Variants in CARS2 observed in about 807,000 individuals in gnomAD.
CARS2 encodes probable cysteine--tRNA ligase, mitochondrial.
A neutral mutation model predicts 68.8 loss-of-function variants in CARS2; 52 were observed. The ratio of observed to expected loss-of-function variants is 0.76; its 90% CI spans 0.61 to 0.95. The LOEUF (loss-of-function observed/expected upper bound fraction) is 0.95. Among genes scored for constraint, CARS2 ranks in the 40% least tolerant of loss-of-function variants. The pLI is 0.00. For missense variants in CARS2, 780 were observed against 754.2 expected, an observed-to-expected ratio of 1.03 and a Z score of -0.40; for synonymous variants, 314 against 303.6, an observed-to-expected ratio of 1.03 and a Z score of -0.36.
chr13:110,644,026 A>G (rs1315999251), intron 13 of CARS2: 11 of 1,112,276 alleles, frequency 9.9e-6, no homozygotes, highest in South Asian at 9.9e-5. Context: ...CAGGTCGCCA[A>G]CTTGCCCTCA....
At chr13:110,692,192 G>A (rs1014852931) in intron 3 of CARS2, among the ~76,000 whole-genome samples, 13 of 151,416 alleles carry the variant, frequency 8.6e-5, no homozygotes, top group Admixed American at 1.3e-4. Context: ...TTTGGTGGCC[G>A]GGCGCAGTGG....
rs71669698 is a variant in CARS2, at chr13:110,650,998, T to TG, written c.1054+35dup. 514 of 1,501,892 alleles carry TG rather than the reference T, an allele frequency of 3.4e-4. 1 individual carries two copies. The highest frequency in any genetic ancestry group is 5.2e-4 in the Middle Eastern group (3 of 5,796). 93.0% of individuals were successfully genotyped at this position (1,501,892 alleles called of 1,614,324 possible). On this transcript the variant is annotated intron_variant, in intron 10 of 14. Coordinates refer to ENST00000257347, the MANE Select transcript of CARS2 (RefSeq NM_024537.4). ...CCTGTCAGAATGACTGTCTCCGAGC[T>TG]GGGGGGGGAGTCCACTCCACGTGTG...
chr13:110,678,538 T>TAG (rs2063040848), intron 6 of CARS2, among the ~76,000 whole-genome samples: 1 of 152,230 alleles, frequency 6.6e-6, no homozygotes, highest in Admixed American at 6.5e-5. Context: ...TTTTCATTAC[T>TAG]AGTCACTTTA....
chr13:110,646,999 G>A (rs971972427), intron 11 of CARS2, 102 bp downstream of exon 11: 22 of 1,354,270 alleles, frequency 1.6e-5, no homozygotes, highest in Admixed American at 5.2e-5. Flanking sequence ...CCTGTCCAGC[G>A]CCCTGTCTCC....
In CARS2 at chr13:110,676,844, T is replaced by G; in HGVS notation, c.785+130A>C. The G allele has an allele frequency of 8.0e-7, 1 of 1,244,004 alleles. No homozygotes were observed. Among genetic ancestry groups the G allele is most frequent in the Non-Finnish European group, 1.1e-6 (1 of 932,794 alleles). 77.1% of individuals were successfully genotyped at this position (1,244,004 alleles called of 1,614,324 possible). A position where few individuals can be genotyped will look rare whatever the true frequency, so the allele number is the denominator to read the frequency against. On this transcript the variant is annotated intron_variant, in intron 7 of 14. Coordinates refer to ENST00000257347, the MANE Select transcript of CARS2 (RefSeq NM_024537.4). This position sits in a 1 kb window ranked among gnomAD's most constrained non-coding sequence, Gnocchi z 4.0. ...ATGGCCCGTCACACTCCGGCAAAAA[T>G]CTCTTCCCAAAAAATCACCCATGGG... is the stretch of plus-strand genomic sequence containing the variant.
intron 9 of CARS2, chr13:110,663,100 T>C (rs1334378691): frequency 8.2e-6 from 4 of 488,036 alleles, no homozygotes; most frequent in Non-Finnish European, 1.6e-5. Context: ...GCCACACCAG[T>C]AAGAGGTGGT....
chr13:110,667,383 G>A lies in CARS2; in HGVS notation c.876C>T (p.Val292=). 6.2e-7 allele frequency: 1 copy of A among 1,613,788 alleles called. No homozygotes were observed. The highest frequency in any genetic ancestry group is 8.5e-7 in the Non-Finnish European group (1 of 1,179,782). ...HHENEIAQCE[V]FHQCEQWGNY... ...TTCCCCACTGCTCGCACTGATGAAA[G>A]ACTTCGCACTGTGCAATTTCGTTTT... Residue 292 remains valine (V), a synonymous_variant, in exon 8 of 15, where the codon GTC becomes GTT. Transcript: ENST00000257347.
intron 2 of CARS2, among the ~76,000 whole-genome samples, chr13:110,704,740 G>GA (rs917660418): frequency 2.3e-4 from 33 of 141,718 alleles, no homozygotes; most frequent in Admixed American, 9.8e-4. Flanking sequence ...TCCGTCTCAA[G>GA]AAAAAAAAAA....
At chr13:110,663,376 A>G (rs1383803769) in intron 9 of CARS2, 75 bp downstream of exon 9, 1 of 1,455,198 alleles carries the variant, frequency 6.9e-7, no homozygotes, top group Non-Finnish European at 9.3e-7. Flanking sequence ...GTGGTTCTCA[A>G]ATGACACAGA....
chr13:110,711,699 G>A (rs779259021), intron 1 of CARS2, among the ~76,000 whole-genome samples: 1 of 152,252 alleles, frequency 6.6e-6, no homozygotes, highest in African/African-American at 2.4e-5. Context: ...GGGCTTAAAA[G>A]TGAAGATTAA....
chr13:110,666,566 C>T (rs560689590), intron 8 of CARS2: 94 of 985,242 alleles, frequency 9.5e-5, no homozygotes, highest in Admixed American at 2.5e-4. Flanking sequence ...TGTACTTTCA[C>T]GAAGAAACCC....
In CARS2 at chr13:110,706,045, CCTGGAGCAGCGGGGG is replaced by C; in HGVS notation, c.34_48del (p.Pro12_Gln16del). 5 of 1,367,458 alleles carry C rather than the reference CCTGGAGCAGCGGGGG, an allele frequency of 3.7e-6. No individual in the cohort carries two copies. In the African/African-American group the frequency reaches 4.5e-5, roughly 12 times the overall value. The allele number at this position is 1,367,458 out of a possible 1,614,324, so 84.7% of individuals were successfully genotyped here. ...CCAGCCCGCCCAAGGCCCAGCGCGGCCTGGAGCAGCGGGGGGCCCAGGCCTGGGCCGCGCGTAGTC... is the reference window on the plus strand; with the variant it reads ...CCAGCCCGCCCAAGGCCCAGCGCGGCGCCCAGGCCTGGGCCGCGCGTAGTC... On this transcript the variant is annotated inframe_deletion, in exon 1 of 15. Coordinates refer to ENST00000257347, the MANE Select transcript of CARS2 (RefSeq NM_024537.4).
chr13:110,679,288 G>A (rs776278895), intron 6 of CARS2, among the ~76,000 whole-genome samples: 27 of 151,994 alleles, frequency 1.8e-4, no homozygotes, highest in Non-Finnish European at 3.8e-4. Flanking sequence ...CCAGCACTTT[G>A]GGAGGCCGAG....
At chr13:110,711,251 C>T (rs1302614884), upstream of CARS2, among the ~76,000 whole-genome samples, 1 of 151,988 alleles carries the variant, frequency 6.6e-6, no homozygotes, top group African/African-American at 2.4e-5. Flanking sequence ...TAGTCTTGCT[C>T]TGTCGCCCAG....
intron 3 of CARS2, among the ~76,000 whole-genome samples, chr13:110,691,999 A>ATAT (rs1422673574): frequency 3.8e-5 from 3 of 78,660 alleles, no homozygotes; most frequent in East Asian, 3.5e-4. Context: ...AAAAAAAAAA[A>ATAT]AAAAATATAT....
At chr13:110,694,984 A>G (rs1270160724) in intron 3 of CARS2, among the ~76,000 whole-genome samples, 1 of 152,124 alleles carries the variant, frequency 6.6e-6, no homozygotes, top group East Asian at 1.9e-4. Context: ...TCTCATATAG[A>G]AAATATTAAG....
chr13:110,682,844 G>A (rs2063196623), intron 6 of CARS2, among the ~76,000 whole-genome samples: 2 of 152,174 alleles, frequency 1.3e-5, no homozygotes, highest in Non-Finnish European at 2.9e-5. Flanking sequence ...GGGCGGGGGT[G>A]GACGATGCCC....
chr13:110,705,886 C>G lies in CARS2; in HGVS notation c.208G>C (p.Ala70Pro). 2 of 1,566,884 alleles carry G rather than the reference C, an allele frequency of 1.3e-6. No homozygotes were observed. The highest frequency in any genetic ancestry group is 1.7e-6 in the Non-Finnish European group (2 of 1,158,504). ...GCGGCCCACCAGGAGGCGGCTTCGG[C>G]GTGCGCCACGATTAGGGGTTCCTTC... ...GRKEPLIVAH[A>P]EAASWYSCGP... Residue 70 changes from alanine to proline, a missense_variant, in exon 1 of 15, where the codon GCC (alanine) becomes CCC (proline). Coordinates refer to ENST00000257347, the MANE Select transcript of CARS2 (RefSeq NM_024537.4). The surrounding 1 kb of genome is among the most constrained non-coding windows in gnomAD (Gnocchi z 4.0).
In CARS2 at chr13:110,701,563, A is replaced by G; in HGVS notation, c.276-8T>C. 1 of 1,239,838 alleles carries G rather than the reference A, an allele frequency of 8.1e-7. No individual in the cohort carries two copies. 76.8% of individuals were successfully genotyped at this position (1,239,838 alleles called of 1,614,324 possible). A position where few individuals can be genotyped will look rare whatever the true frequency, so the allele number is the denominator to read the frequency against. On this transcript the variant is annotated splice_polypyrimidine_tract_variant and splice_region_variant and intron_variant, in intron 2 of 14. Coordinates refer to ENST00000257347, the MANE Select transcript of CARS2 (RefSeq NM_024537.4). Reference sequence around the variant, plus strand: ...TCAAATCTAACATATGAGCTGAAAGAAAAAAAGTGTCAGGATGTCTTTATT... The same window carrying G: ...TCAAATCTAACATATGAGCTGAAAGGAAAAAAGTGTCAGGATGTCTTTATT...
Sources: gnomAD v4.1 joint callset for allele counts (sites outside exome capture counted in the v4.1 genomes callset) on GRCh38, gnomAD v4.1.1 for gene constraint, Gnocchi (gnomAD v3.1) non-coding constraint, MANE v1.5 for transcripts, NCBI Gene and HGNC (gene_info 2026-07-23, HGNC 2026-07-21) for gene names.